Variants in MACROD2 observed in about 807,000 individuals in gnomAD.
MACROD2 encodes ADP-ribose glycohydrolase MACROD2.
A neutral mutation model predicts 70.4 loss-of-function variants in MACROD2; 36 were observed. That is an observed-to-expected ratio of 0.51 (90% CI 0.39 to 0.68). The LOEUF (loss-of-function observed/expected upper bound fraction) is 0.68. Ranked by LOEUF, MACROD2 falls within the 30% of genes least tolerant of loss-of-function variation. The pLI is 0.00. For synonymous variants in MACROD2, 172 were observed against 178.8 expected (o/e 0.96, Z 0.30); for missense variants, 496 against 538.4 (o/e 0.92, Z 0.78).
intron 3 of MACROD2, among the ~76,000 whole-genome samples, chr20:14,267,169 G>A (rs1055334831): frequency 2.6e-5 from 4 of 152,086 alleles, no homozygotes; most frequent in Non-Finnish European, 4.4e-5. Flanking sequence ...AAACTAGCTC[G>A]GAAGGAAGCT....
intron 5 of MACROD2, among the ~76,000 whole-genome samples, chr20:14,927,532 C>A (rs2074247773): frequency 6.6e-6 from 1 of 152,218 alleles, no homozygotes; most frequent in African/African-American, 2.4e-5. Flanking sequence ...TTCTTTCATG[C>A]AGCTAATAGT....
At chr20:14,457,756 C>G (rs2084320133) in intron 3 of MACROD2, among the ~76,000 whole-genome samples, 1 of 152,084 alleles carries the variant, frequency 6.6e-6, no homozygotes, top group Non-Finnish European at 1.5e-5. Flanking sequence ...TGCAAGACAT[C>G]TTACTGACAA....
chr20:14,578,863 G>A (rs899879539), intron 4 of MACROD2, among the ~76,000 whole-genome samples: 1 of 152,132 alleles, frequency 6.6e-6, no homozygotes, highest in Non-Finnish European at 1.5e-5. Flanking sequence ...GGAGGAGCGT[G>A]TGACTCTGGT....
chr20:14,686,553 A>G (rs1179375059), intron 5 of MACROD2, among the ~76,000 whole-genome samples: 2 of 152,152 alleles, frequency 1.3e-5, no homozygotes, highest in South Asian at 2.1e-4. Context: ...TACGTTTTCT[A>G]TGTTTAGCTA....
intron 5 of MACROD2, among the ~76,000 whole-genome samples, chr20:15,204,456 C>T (rs962257919): frequency 6.6e-6 from 1 of 152,068 alleles, no homozygotes; most frequent in African/African-American, 2.4e-5. Flanking sequence ...TATTAGCTCT[C>T]TGAATTGTAA....
At chr20:14,879,876 G>GTTGT (rs2073591866) in intron 5 of MACROD2, among the ~76,000 whole-genome samples, 1 of 152,136 alleles carries the variant, frequency 6.6e-6, no homozygotes, top group Admixed American at 6.5e-5. Context: ...ATGGACAGAG[G>GTTGT]TTGTTGAAAG....
chr20:15,668,579 A>AAAT, intron 8 of MACROD2, among the ~76,000 whole-genome samples: 1 of 152,008 alleles, frequency 6.6e-6, no homozygotes, highest in African/African-American at 2.4e-5. Flanking sequence ...AAAATAAAAT[A>AAAT]AAAAATAAAA....
chr20:14,855,574 C>T (rs392021), intron 5 of MACROD2, among the ~76,000 whole-genome samples: 13,844 of 132,908 alleles, frequency 0.1, 848 homozygotes, highest in Non-Finnish European at 0.14. Context: ...GGGAAGAATT[C>T]AGAATTTTAG....
chr20:14,648,855 A>G (rs1985533428), intron 4 of MACROD2, among the ~76,000 whole-genome samples: 1 of 152,192 alleles, frequency 6.6e-6, no homozygotes. Flanking sequence ...AAATAATATA[A>G]TCTTCACCTA....
intron 3 of MACROD2, among the ~76,000 whole-genome samples, chr20:14,312,673 A>C (rs2122522540): frequency 6.6e-6 from 1 of 152,348 alleles, no homozygotes; most frequent in Middle Eastern, 3.4e-3. Context: ...TAGCCACCAA[A>C]TCTAAGTATG....
chr20:15,297,444 A>G (rs1036922136), intron 6 of MACROD2, among the ~76,000 whole-genome samples: 13 of 152,192 alleles, frequency 8.5e-5, no homozygotes, highest in Non-Finnish European at 4.4e-5. Flanking sequence ...CACAAAAATC[A>G]ATAGAGAATT....
intron 6 of MACROD2, among the ~76,000 whole-genome samples, chr20:15,238,423 A>AT (rs1256589171): frequency 6.6e-6 from 1 of 152,054 alleles, no homozygotes; most frequent in African/African-American, 2.4e-5. Flanking sequence ...CATCATGCAA[A>AT]TTACGGAAGA....
intron 8 of MACROD2, among the ~76,000 whole-genome samples, chr20:15,500,610 A>G (rs554811316): frequency 2.2e-4 from 33 of 152,340 alleles, no homozygotes; most frequent in African/African-American, 7.9e-4. Flanking sequence ...CATAAGGGCT[A>G]TAAAAATTGT....
chr20:14,962,164 G>A (rs1165571273), intron 5 of MACROD2, among the ~76,000 whole-genome samples: 1 of 152,068 alleles, frequency 6.6e-6, no homozygotes, highest in African/African-American at 2.4e-5. Context: ...TGTTGTTGTT[G>A]TTCTAGGATC....
chr20:15,392,066 G>A (rs1230720882), intron 6 of MACROD2, among the ~76,000 whole-genome samples: 3 of 152,150 alleles, frequency 2.0e-5, no homozygotes, highest in African/African-American at 7.2e-5. Context: ...GGGAAGCAAA[G>A]AGATACTCCT....
At chr20:14,123,196 G>T (rs964478151) in intron 3 of MACROD2, among the ~76,000 whole-genome samples, 36 of 152,174 alleles carry the variant, frequency 2.4e-4, no homozygotes, top group African/African-American at 8.4e-4. Flanking sequence ...TAGTCTGAAT[G>T]TTACAAAACT....
chr20:15,814,143 A>G (rs2063848684), intron 8 of MACROD2, among the ~76,000 whole-genome samples: 1 of 152,138 alleles, frequency 6.6e-6, no homozygotes, highest in Non-Finnish European at 1.5e-5. Context: ...GTAAAATAAC[A>G]TCACTGCAGG....
intron 4 of MACROD2, among the ~76,000 whole-genome samples, chr20:14,515,481 A>G (rs1417620357): frequency 1.4e-5 from 2 of 143,408 alleles, no homozygotes; most frequent in African/African-American, 3.0e-5. Flanking sequence ...ACACACACAC[A>G]CACACACACA....
chr20:15,537,123 G>T (rs1038378563), intron 8 of MACROD2, among the ~76,000 whole-genome samples: 4 of 152,112 alleles, frequency 2.6e-5, no homozygotes, highest in Non-Finnish European at 5.9e-5. Flanking sequence ...AATCCTGGGG[G>T]TGGTTTCCAT....
Sources: allele counts gnomAD v4.1 joint callset (sites outside exome capture counted in the v4.1 genomes callset), GRCh38; gene constraint gnomAD v4.1.1; transcripts MANE v1.5; gene names NCBI Gene and HGNC (gene_info 2026-07-23, HGNC 2026-07-21).